The following TSNARE1 variants were observed in gnomAD, a reference collection of about 807,000 sequenced individuals.
The protein encoded by TSNARE1 is t-SNARE domain-containing protein 1.
A neutral mutation model predicts 62.0 loss-of-function variants in TSNARE1; 49 were observed. The ratio of observed to expected loss-of-function variants is 0.79; its 90% CI spans 0.63 to 1.00. TSNARE1 has a LOEUF of 1.00. TSNARE1 is among the 50% of genes least tolerant of loss of function. The pLI is 0.00. For missense variants in TSNARE1, 755 were observed against 700.1 expected (o/e 1.08, Z -0.88); for synonymous variants, 328 against 294.4 (o/e 1.11, Z -1.17).
chr8:142,227,308 T>A (rs1409128804), intron 13 of TSNARE1, among the ~76,000 whole-genome samples: 16 of 132,718 alleles, frequency 1.2e-4, no homozygotes, highest in African/African-American at 3.7e-4. Context: ...CAGGACCCCC[T>A]TCCTGCCCAC....
intron 13 of TSNARE1, among the ~76,000 whole-genome samples, chr8:142,226,071 C>T (rs1044612278): frequency 1.3e-5 from 2 of 152,178 alleles, no homozygotes; most frequent in South Asian, 2.1e-4. Context: ...CACCATAACC[C>T]GTTAAGACCT....
intron 1 of TSNARE1, among the ~76,000 whole-genome samples, chr8:142,389,943 A>C (rs1308327596): frequency 6.6e-6 from 1 of 152,166 alleles, no homozygotes; most frequent in Non-Finnish European, 1.5e-5. Flanking sequence ...CCCAATACAC[A>C]CCCAGGCCAT....
rs771906397 is a variant in TSNARE1 at position 142,229,538 on chromosome 8, T to C, written c.1488A>G (p.Gly496=). The part of the protein sequence containing the change: ...HKIKCCFLSA[G]VTALLVIIII... ...TGATGATGACAAGCAGGGCAGTGAC[T>C]CCAGCTGATAGGAAGCAGCACTTGA... Residue 496 remains glycine (G), a synonymous_variant, in exon 13 of 14, where the codon GGA becomes GGG. Transcript: ENST00000524325. 12 of 1,613,932 alleles carry C rather than the reference T, an allele frequency of 7.4e-6. No homozygotes were observed. In the South Asian group the frequency reaches 1.3e-4, roughly 18 times the overall value.
At chr8:142,223,110 T>C (rs1274003528) in intron 13 of TSNARE1, among the ~76,000 whole-genome samples, 1 of 34,204 alleles carries the variant, frequency 2.9e-5, no homozygotes, top group Non-Finnish European at 7.2e-5. Context: ...ATTCACTCAC[T>C]CGTTCACTCA....
At position 142,396,622 on chromosome 8, in the gene TSNARE1, G is replaced by A. The variant is rs1377558769; in HGVS notation, c.-40+6482C>T. On this transcript the variant is annotated intron_variant, in intron 1 of 13. Transcript: ENST00000524325. ...AGCCTGGTCCCCCTGGAGAGCAGCA[G>A]GGCAGGATCGCCAGGTGGGCCGGGC... Among the ~76,000 whole-genome samples the A allele has an allele frequency of 3.9e-5, 6 of 152,368 alleles. No individual in the cohort carries two copies. In the East Asian group the frequency reaches 1.2e-3, roughly 29 times the overall value.
chr8:142,235,985 G>T (rs887173817), intron 12 of TSNARE1, among the ~76,000 whole-genome samples: 6 of 152,166 alleles, frequency 3.9e-5, no homozygotes, highest in Non-Finnish European at 1.5e-5. Context: ...TCCCCCAGGG[G>T]AGACGGGCTC....
intron 1 of TSNARE1, among the ~76,000 whole-genome samples, chr8:142,355,061 G>A (rs1039435456): frequency 2.6e-5 from 4 of 152,172 alleles, no homozygotes; most frequent in Admixed American, 1.3e-4. Context: ...CCCTCTGGCC[G>A]GCTCTTAAAG....
Position 142,388,089 on chromosome 8 carries a change from G to A in TSNARE1, c.-40+15015C>T, listed in dbSNP as rs76458277. ...AGTGAAGTATAATCAAGGAATTTAA[G>A]AATCTTTCATTATTAGCAACTTCGT... On this transcript the variant is annotated intron_variant, in intron 1 of 13. Coordinates refer to ENST00000524325, the MANE Select transcript of TSNARE1 (RefSeq NM_145003.5). Among the ~76,000 whole-genome samples, 346 of 152,090 alleles carry A rather than the reference G, an allele frequency of 2.3e-3. 2 individuals carry two copies. The highest frequency in any genetic ancestry group is 7.5e-3 in the African/African-American group (310 of 41,496).
At chr8:142,313,381 T>C (rs1231462841) in intron 9 of TSNARE1, among the ~76,000 whole-genome samples, 1 of 150,966 alleles carries the variant, frequency 6.6e-6, no homozygotes, top group Non-Finnish European at 1.5e-5. Context: ...TGTGTCTGCA[T>C]GTCTATGTGT....
At chr8:142,280,435 G>C (rs1454652706) in intron 11 of TSNARE1, 1 of 597,562 alleles carries the variant, frequency 1.7e-6, no homozygotes, top group African/African-American at 2.0e-5. Flanking sequence ...GCCAGGCCTC[G>C]CATCGGCACC....
At chr8:142,297,708 C>A (rs1287279865) in intron 10 of TSNARE1, among the ~76,000 whole-genome samples, 1 of 152,240 alleles carries the variant, frequency 6.6e-6, no homozygotes, top group Non-Finnish European at 1.5e-5. Flanking sequence ...CTGGCACGTG[C>A]GACCTCCGCT....
intron 13 of TSNARE1, among the ~76,000 whole-genome samples, chr8:142,221,983 A>ACTCG (rs1816279499): frequency 1.2e-5 from 1 of 82,404 alleles, no homozygotes; most frequent in African/African-American, 3.3e-5. Flanking sequence ...CCACTCACTC[A>ACTCG]CTCATTCACT....
chr8:142,379,327 C>A (rs1057033464), intron 1 of TSNARE1, among the ~76,000 whole-genome samples: 1 of 152,218 alleles, frequency 6.6e-6, no homozygotes, highest in Non-Finnish European at 1.5e-5. Context: ...ATGCCCCCAA[C>A]CTCGCCCTCC....
At chr8:142,336,480 A>G (rs1393160239) in intron 4 of TSNARE1, among the ~76,000 whole-genome samples, 1 of 152,194 alleles carries the variant, frequency 6.6e-6, no homozygotes, top group Non-Finnish European at 1.5e-5. Flanking sequence ...TAGAAATAAA[A>G]GAAGGACACT....
chr8:142,275,884 C>T, intron 11 of TSNARE1: 1 of 985,332 alleles, frequency 1.0e-6, no homozygotes, highest in Non-Finnish European at 1.2e-6. Context: ...GGAGGGTCCT[C>T]AGAAAGACAA....
intron 1 of TSNARE1, among the ~76,000 whole-genome samples, chr8:142,391,774 C>A (rs1024662026): frequency 2.0e-5 from 3 of 152,254 alleles, no homozygotes; most frequent in Non-Finnish European, 1.5e-5. Context: ...GTGGCCAGAC[C>A]CATGTTCGCT....
At position 142,319,875 on chromosome 8, in the gene TSNARE1, G is replaced by A. The variant is rs1048967167; in HGVS notation, c.894-1241C>T. On this transcript the variant is annotated intron_variant, in intron 6 of 13. Coordinates refer to ENST00000524325, the MANE Select transcript of TSNARE1 (RefSeq NM_145003.5). The surrounding 1 kb of genome is among the most constrained non-coding windows in gnomAD (Gnocchi z 4.9). ...CCATAAGGTTACTACAGACTAGGCG[G>A]GAAGCGCGGGGACAGGAGCTTTCTT... Among the ~76,000 whole-genome samples the A allele has an allele frequency of 1.3e-5, 2 of 152,192 alleles. No homozygotes were observed. The highest frequency in any genetic ancestry group is 2.9e-5 in the Non-Finnish European group (2 of 68,014).
intron 12 of TSNARE1, among the ~76,000 whole-genome samples, chr8:142,240,079 T>C (rs1336822286): frequency 1.3e-5 from 2 of 152,078 alleles, no homozygotes; most frequent in African/African-American, 2.4e-5. Flanking sequence ...TTTTTTTAAA[T>C]CCAGCTATCT....
chr8:142,223,021 CAGCCACT>C, intron 13 of TSNARE1, among the ~76,000 whole-genome samples: 1 of 133,024 alleles, frequency 7.5e-6, no homozygotes, highest in Non-Finnish European at 1.6e-5. Context: ...CTCACTCACT[CAGCCACT>C]CACTCATTCA....
Sources: gnomAD v4.1 joint callset for allele counts (sites outside exome capture counted in the v4.1 genomes callset) on GRCh38, gnomAD v4.1.1 for gene constraint, Gnocchi (gnomAD v3.1) non-coding constraint, MANE v1.5 for transcripts, NCBI Gene and HGNC (gene_info 2026-07-23, HGNC 2026-07-21) for gene names.